The following HYCC1 variants were observed in gnomAD, a reference collection of about 807,000 sequenced individuals.
The protein encoded by HYCC1 is hyccin PI4KA lipid kinase complex subunit 1, also known as hyccin.
the HYCC1 span, among the ~76,000 whole-genome samples, chr7:22,926,592 T>A: frequency 6.6e-6 from 1 of 152,086 alleles, no homozygotes; most frequent in South Asian, 2.1e-4. Context: ...AAGAAGGCCA[T>A]TACATAATGG....
the HYCC1 span, among the ~76,000 whole-genome samples, chr7:22,972,609 C>A: frequency 3.3e-5 from 5 of 152,192 alleles, no homozygotes; most frequent in South Asian, 2.1e-4. Flanking sequence ...CTGGCATATA[C>A]TAGCAAAACT....
chr7:22,911,046 A>G, the HYCC1 span, among the ~76,000 whole-genome samples: 573 of 152,338 alleles, frequency 3.8e-3, 9 homozygotes, highest in East Asian at 0.052. Context: ...AGCTGATAAC[A>G]TTTCATGGCA....
At chr7:22,921,150 A>G in the HYCC1 span, among the ~76,000 whole-genome samples, 1 of 152,226 alleles carries the variant, frequency 6.6e-6, no homozygotes, top group Admixed American at 6.5e-5. Context: ...TGCAAAAATG[A>G]GCTAACACAT....
At chr7:23,008,459 T>C in the HYCC1 span, among the ~76,000 whole-genome samples, 1 of 152,062 alleles carries the variant, frequency 6.6e-6, no homozygotes, top group African/African-American at 2.4e-5. Context: ...TTAATAGAGA[T>C]AGTACAACTT....
the HYCC1 span, among the ~76,000 whole-genome samples, chr7:22,995,333 C>G: frequency 6.6e-6 from 1 of 152,246 alleles, no homozygotes; most frequent in South Asian, 2.1e-4. Flanking sequence ...TTTCAAACAA[C>G]TCCTGCTTAA....
the HYCC1 span, among the ~76,000 whole-genome samples, chr7:22,933,890 T>G: frequency 6.6e-6 from 1 of 152,220 alleles, no homozygotes; most frequent in Non-Finnish European, 1.5e-5. Context: ...CAATGTTAGC[T>G]ATTAGATATG....
the HYCC1 span, among the ~76,000 whole-genome samples, chr7:22,924,962 C>T: frequency 1.9e-3 from 294 of 152,252 alleles, 2 homozygotes; most frequent in African/African-American, 6.4e-3. Context: ...CTCACACAGC[C>T]GGGTACTCCT....
chr7:22,942,916 TTTG>T, the HYCC1 span: 11 of 152,262 alleles, frequency 7.2e-5, no homozygotes, highest in South Asian at 1.2e-3. Flanking sequence ...ATAAAAGAAT[TTTG>T]TTGTTAACGT....
chr7:22,968,930 G>A, the HYCC1 span, among the ~76,000 whole-genome samples: 1 of 152,070 alleles, frequency 6.6e-6, no homozygotes, highest in Non-Finnish European at 1.5e-5. Context: ...AGGTTGCAAT[G>A]AGCTGGGATC....
chr7:23,012,842 A>C, the HYCC1 span, among the ~76,000 whole-genome samples: 1 of 152,204 alleles, frequency 6.6e-6, no homozygotes, highest in Admixed American at 6.5e-5. Context: ...GTAAAGTGTT[A>C]CATGAACCAA....
At chr7:22,901,054 T>C in the HYCC1 span, among the ~76,000 whole-genome samples, 1 of 151,374 alleles carries the variant, frequency 6.6e-6, no homozygotes, top group African/African-American at 2.4e-5. Flanking sequence ...ACCTCATCTC[T>C]ACTAAAAATA....
chr7:22,976,588 T>C, the HYCC1 span: 12 of 776,278 alleles, frequency 1.5e-5, no homozygotes, highest in Admixed American at 4.0e-5. Flanking sequence ...AGTATTCAAA[T>C]AAATTGTCAC....
At chr7:22,978,751 G>T in the HYCC1 span, among the ~76,000 whole-genome samples, 4 of 152,070 alleles carry the variant, frequency 2.6e-5, no homozygotes, top group African/African-American at 9.7e-5. Flanking sequence ...TGGTACATAG[G>T]GGGGCTAAAT....
the HYCC1 span, among the ~76,000 whole-genome samples, chr7:22,962,130 A>G: frequency 3.9e-5 from 6 of 152,212 alleles, no homozygotes; most frequent in Non-Finnish European, 7.3e-5. Context: ...CGAGGTAACA[A>G]GGGCTTCCAC....
At chr7:22,979,418 T>C in the HYCC1 span, among the ~76,000 whole-genome samples, 8 of 152,236 alleles carry the variant, frequency 5.3e-5, no homozygotes, top group East Asian at 1.5e-3. Context: ...GCAACAGATG[T>C]CCACTGTGGC....
the HYCC1 span, among the ~76,000 whole-genome samples, chr7:22,931,131 C>G: frequency 6.6e-6 from 1 of 151,680 alleles, no homozygotes; most frequent in Non-Finnish European, 1.5e-5. Context: ...GATTAAGATA[C>G]GCCCCAAATC....
the HYCC1 span, chr7:22,983,662 G>A: frequency 9.9e-4 from 374 of 376,726 alleles, 4 homozygotes; most frequent in African/African-American, 6.8e-3. Flanking sequence ...CTCATAATGG[G>A]CACTCAAATA....
At chr7:22,980,151 A>C in the HYCC1 span, among the ~76,000 whole-genome samples, 1 of 152,198 alleles carries the variant, frequency 6.6e-6, no homozygotes, top group African/African-American at 2.4e-5. Flanking sequence ...CAGGAAGAAT[A>C]AAATGATATA....
the HYCC1 span, chr7:22,936,064 T>A: frequency 6.6e-6 from 1 of 150,860 alleles, no homozygotes; most frequent in Non-Finnish European, 1.5e-5. Context: ...ACCTCACTGA[T>A]TACATTGTAA....
Sources: allele counts gnomAD v4.1 joint callset (sites outside exome capture counted in the v4.1 genomes callset), GRCh38; gene constraint gnomAD v4.1.1; transcripts MANE v1.5; gene names NCBI Gene and HGNC (gene_info 2026-07-23, HGNC 2026-07-21).